Variants in GALNT13 observed in about 807,000 individuals in gnomAD.
GALNT13 encodes the protein polypeptide N-acetylgalactosaminyltransferase 13.
In GALNT13, 28 loss-of-function variants were observed where a neutral mutation model predicts 64.2. The ratio of observed to expected loss-of-function variants is 0.44; its 90% CI spans 0.32 to 0.60. The LOEUF is 0.60. GALNT13 is among the 20% of genes least tolerant of loss of function. GALNT13 has a pLI of 0.05. For missense variants in GALNT13, 577 were observed against 669.8 expected, an observed-to-expected ratio of 0.86 and a Z score of 1.53; for synonymous variants, 214 against 224.6, an observed-to-expected ratio of 0.95 and a Z score of 0.42.
At chr2:153,676,182 A>T in the GALNT13 span, among the ~76,000 whole-genome samples, 1 of 152,184 alleles carries the variant, frequency 6.6e-6, no homozygotes, top group Non-Finnish European at 1.5e-5. Context: ...CCAAAAGGAC[A>T]TTACCATCAA....
intron 7 of GALNT13, among the ~76,000 whole-genome samples, chr2:154,249,525 C>T (rs1421528159): frequency 6.6e-6 from 1 of 152,092 alleles, no homozygotes; most frequent in Non-Finnish European, 1.5e-5. Flanking sequence ...TGAAGATATT[C>T]ATTTCCACTT....
chr2:153,434,410 C>T, the GALNT13 span, among the ~76,000 whole-genome samples: 1 of 152,192 alleles, frequency 6.6e-6, no homozygotes, highest in Non-Finnish European at 1.5e-5. Flanking sequence ...GCCACACCGA[C>T]TTCCACAATG....
At chr2:154,157,311 C>A (rs1389976466) in intron 4 of GALNT13, among the ~76,000 whole-genome samples, 2 of 152,178 alleles carry the variant, frequency 1.3e-5, no homozygotes, top group Admixed American at 1.3e-4. Flanking sequence ...TTACAACCAG[C>A]CCATCCTCTA....
the GALNT13 span, among the ~76,000 whole-genome samples, chr2:153,248,649 T>C: frequency 2.7e-5 from 4 of 150,916 alleles, no homozygotes; most frequent in Non-Finnish European, 5.9e-5. Flanking sequence ...CCATCTCTAC[T>C]AAAAAAATAC....
chr2:153,410,869 A>G, the GALNT13 span, among the ~76,000 whole-genome samples: 1 of 151,808 alleles, frequency 6.6e-6, no homozygotes, highest in Non-Finnish European at 1.5e-5. Context: ...ATATAAATAT[A>G]TATTTAGAGA....
the GALNT13 span, among the ~76,000 whole-genome samples, chr2:153,411,650 C>T: frequency 1.3e-5 from 2 of 152,022 alleles, no homozygotes; most frequent in Admixed American, 6.5e-5. Context: ...CATGCTGGGC[C>T]GTCTGACTGA....
chr2:154,183,688 G>A (rs553356558), intron 4 of GALNT13, among the ~76,000 whole-genome samples: 12 of 151,974 alleles, frequency 7.9e-5, no homozygotes, highest in South Asian at 2.1e-4. Context: ...CTCCAGCCTC[G>A]GCAACAGAGT....
intron 11 of GALNT13, among the ~76,000 whole-genome samples, chr2:154,423,937 C>G (rs1700361903): frequency 6.6e-6 from 1 of 152,092 alleles, no homozygotes; most frequent in Non-Finnish European, 1.5e-5. Flanking sequence ...GACACTGTAC[C>G]TTTGAGGTCT....
chr2:153,096,374 A>G, the GALNT13 span, among the ~76,000 whole-genome samples: 1 of 152,152 alleles, frequency 6.6e-6, no homozygotes, highest in Non-Finnish European at 1.5e-5. Flanking sequence ...ATAAATATCT[A>G]TTAGATTCCT....
the GALNT13 span, among the ~76,000 whole-genome samples, chr2:153,268,934 G>A: frequency 9.2e-5 from 14 of 152,198 alleles, no homozygotes; most frequent in African/African-American, 3.4e-4. Context: ...CAGCAGGACC[G>A]TAAGCTAGAC....
Position 154,319,372 on chromosome 2 carries a change from A to G in GALNT13, c.1156+17783A>G, listed in dbSNP as rs181399604. On this transcript the variant is annotated intron_variant, in intron 9 of 12. Coordinates refer to ENST00000392825, the MANE Select transcript of GALNT13 (RefSeq NM_052917.4). ...AATTGGCTAGCATTCCTTTTGATCA[A>G]TCCTTAATATAGGCCAAGTGTAGTG... Among the ~76,000 whole-genome samples the G allele has an allele frequency of 1.6e-3, 243 of 152,286 alleles. 1 individual carries two copies. The highest frequency in any genetic ancestry group is 5.5e-3 in the African/African-American group (230 of 41,568).
At chr2:154,397,027 A>G (rs1574231832) in intron 10 of GALNT13, among the ~76,000 whole-genome samples, 1 of 151,442 alleles carries the variant, frequency 6.6e-6, no homozygotes, top group African/African-American at 2.4e-5. Context: ...ATATATCTCA[A>G]TTGGTCAAAA....
At chr2:153,965,294 T>G (rs1693253226) in intron 3 of GALNT13, among the ~76,000 whole-genome samples, 2 of 152,154 alleles carry the variant, frequency 1.3e-5, no homozygotes, top group Admixed American at 1.3e-4. Context: ...CACTATTCCT[T>G]TGATCAAAAG....
At chr2:153,902,149 G>A (rs2105294987) in intron 2 of GALNT13, among the ~76,000 whole-genome samples, 1 of 152,150 alleles carries the variant, frequency 6.6e-6, no homozygotes, top group East Asian at 1.9e-4. Flanking sequence ...CAAATCATCA[G>A]CAACATTTTA....
At chr2:153,710,502 A>G in the GALNT13 span, among the ~76,000 whole-genome samples, 1 of 152,142 alleles carries the variant, frequency 6.6e-6, no homozygotes, top group African/African-American at 2.4e-5. Flanking sequence ...CTTGAACCAC[A>G]TGTCGAGAAC....
At chr2:153,360,002 C>T in the GALNT13 span, among the ~76,000 whole-genome samples, 74,413 of 151,976 alleles carry the variant, frequency 0.49, 18,730 homozygotes, top group Middle Eastern at 0.55. Flanking sequence ...GCGGTGGGGC[C>T]AAGATGATCA....
At chr2:154,422,806 C>T (rs1185477558) in intron 11 of GALNT13, among the ~76,000 whole-genome samples, 1 of 152,128 alleles carries the variant, frequency 6.6e-6, no homozygotes. Context: ...GAGCAAGTGC[C>T]ACTTCTGGGT....
At chr2:153,299,359 T>C in the GALNT13 span, among the ~76,000 whole-genome samples, 1 of 152,186 alleles carries the variant, frequency 6.6e-6, no homozygotes, top group East Asian at 1.9e-4. Flanking sequence ...TTGAGGGGAA[T>C]TGAATGAAGA....
At chr2:153,804,883 A>G in the GALNT13 span, among the ~76,000 whole-genome samples, 1 of 152,126 alleles carries the variant, frequency 6.6e-6, no homozygotes, top group East Asian at 1.9e-4. Context: ...TGAGAAGACA[A>G]GAAGGTTGTA....
Sources: allele counts gnomAD v4.1 joint callset (sites outside exome capture counted in the v4.1 genomes callset), GRCh38; gene constraint gnomAD v4.1.1; transcripts MANE v1.5; gene names NCBI Gene and HGNC (gene_info 2026-07-23, HGNC 2026-07-21).